The following PIK3C2G variants were observed in gnomAD, a reference collection of about 807,000 sequenced individuals.
PIK3C2G encodes the protein phosphatidylinositol 3-kinase C2 domain-containing subunit gamma.
A neutral mutation model predicts 181.1 loss-of-function variants in PIK3C2G; 168 were observed. That is an observed-to-expected ratio of 0.93 (90% CI 0.82 to 1.05). The LOEUF is 1.05. Among genes scored for constraint, PIK3C2G ranks in the 50% least tolerant of loss-of-function variants. The pLI is 0.00. For synonymous variants in PIK3C2G, 573 were observed against 592.2 expected (o/e 0.97, Z 0.47); for missense variants, 1,869 against 1,732.8 (o/e 1.08, Z -1.40).
chr12:18,415,877 A>G (rs1263396644), intron 16 of PIK3C2G, among the ~76,000 whole-genome samples: 1 of 152,184 alleles, frequency 6.6e-6, no homozygotes, highest in Non-Finnish European at 1.5e-5. Context: ...AACTCTCTTC[A>G]ATTTCATGAA....
chr12:18,642,417 G>A (rs76590935), intron 32 of PIK3C2G, among the ~76,000 whole-genome samples: 4,273 of 152,164 alleles, frequency 0.028, 116 homozygotes, highest in African/African-American at 0.068. Context: ...AATCACTTGG[G>A]AATATTTGTG....
intron 24 of PIK3C2G, among the ~76,000 whole-genome samples, chr12:18,518,310 G>T (rs1407424960): frequency 1.3e-5 from 2 of 152,152 alleles, no homozygotes; most frequent in Non-Finnish European, 2.9e-5. Context: ...AGAAGGAATG[G>T]TATCAGCTCC....
the PIK3C2G span, among the ~76,000 whole-genome samples, chr12:18,668,725 G>A: frequency 2.0e-5 from 3 of 152,020 alleles, no homozygotes; most frequent in East Asian, 3.9e-4. Flanking sequence ...TCACTCTCTG[G>A]GTAGAAGTGC....
In PIK3C2G at chr12:18,639,106, T is replaced by TACC. The variant is rs148916585; in HGVS notation, c.4183-1322_4183-1320dup. On this transcript the variant is annotated intron_variant, in intron 31 of 32. Transcript: ENST00000538779. The stretch of plus-strand genomic sequence containing the variant: ...AGGTATACCTTGAGCTCCAATAAAG[T>TACC]ACCGGTCCTCATTCTTAACATATTG... Among the ~76,000 whole-genome samples the TACC allele has an allele frequency of 1.9e-3, 288 of 152,222 alleles. 1 individual carries two copies. Among genetic ancestry groups the TACC allele is most frequent in the African/African-American group, 6.7e-3 (279 of 41,560 alleles).
chr12:18,368,439 T>C (rs1941797270), intron 12 of PIK3C2G, among the ~76,000 whole-genome samples: 1 of 152,166 alleles, frequency 6.6e-6, no homozygotes, highest in Non-Finnish European at 1.5e-5. Flanking sequence ...TGAGCATAAA[T>C]AGATCCAAAT....
intron 18 of PIK3C2G, among the ~76,000 whole-genome samples, chr12:18,451,256 C>T (rs966568877): frequency 3.3e-5 from 5 of 152,082 alleles, no homozygotes; most frequent in South Asian, 2.1e-4. Context: ...TTTCCCTGAG[C>T]GGTGGTTTGT....
chr12:18,448,760 A>G (rs1415685599), intron 18 of PIK3C2G, among the ~76,000 whole-genome samples: 1 of 151,884 alleles, frequency 6.6e-6, no homozygotes, highest in African/African-American at 2.4e-5. Context: ...ATAATGAAAT[A>G]TTGTTACAAA....
At chr12:18,669,873 G>A in the PIK3C2G span, among the ~76,000 whole-genome samples, 1,967 of 152,178 alleles carry the variant, frequency 0.013, 48 homozygotes, top group African/African-American at 0.046. Flanking sequence ...GTTTCACCAC[G>A]TTGCTCAGGC....
At chr12:18,592,956 G>A (rs1947162606) in intron 29 of PIK3C2G, among the ~76,000 whole-genome samples, 1 of 151,930 alleles carries the variant, frequency 6.6e-6, no homozygotes, top group Non-Finnish European at 1.5e-5. Flanking sequence ...TTGTTTCACA[G>A]TTCTGGAAGC....
chr12:18,398,917 C>A (rs374586348), intron 15 of PIK3C2G, among the ~76,000 whole-genome samples: 1 of 152,030 alleles, frequency 6.6e-6, no homozygotes, highest in South Asian at 2.1e-4. Flanking sequence ...CCATTTTGGC[C>A]GGGCGCAGTG....
intron 18 of PIK3C2G, among the ~76,000 whole-genome samples, chr12:18,461,146 A>G (rs567774145): frequency 2.0e-5 from 3 of 152,304 alleles, no homozygotes; most frequent in South Asian, 2.1e-4. Context: ...ATATTGTGAT[A>G]TACCTCACTT....
At position 18,360,961 on chromosome 12, in the gene PIK3C2G, C is replaced by T. The variant is rs539748421; in HGVS notation, c.1626-1803C>T. On this transcript the variant is annotated intron_variant, in intron 11 of 32. Transcript: ENST00000538779. ...ATTACTTTTTCAAATGAGCATTCCT[C>T]TTTTTTTCTTTTTCTTTTTTTCTCT... is the stretch of plus-strand genomic sequence containing the variant. 6.2e-4 allele frequency among the ~76,000 whole-genome samples: 95 copies of T among 152,192 alleles called. 2 individuals are homozygous for T. In the South Asian group the frequency reaches 0.019, roughly 31 times the overall value.
At chr12:18,594,351 T>G (rs570610621) in intron 29 of PIK3C2G, 143 bp from the exon 30 acceptor site, 2 of 531,220 alleles carry the variant, frequency 3.8e-6, no homozygotes, top group South Asian at 6.2e-5. Flanking sequence ...TTAATTAACC[T>G]TTCTAATATA....
chr12:18,405,397 GTGTTGTTGT>G (rs58282294), intron 16 of PIK3C2G, among the ~76,000 whole-genome samples: 18 of 139,788 alleles, frequency 1.3e-4, no homozygotes, highest in Admixed American at 2.8e-4. Context: ...AGCAACATTT[GTGTTGTTGT>G]TGTTGTTGTT....
intron 29 of PIK3C2G, among the ~76,000 whole-genome samples, chr12:18,585,044 C>G (rs1018885719): frequency 2.6e-5 from 4 of 152,064 alleles, no homozygotes; most frequent in African/African-American, 9.7e-5. Flanking sequence ...GTGAAAGGAG[C>G]ACTAAATATA....
At chr12:18,622,349 T>A (rs1460326748) in intron 31 of PIK3C2G, among the ~76,000 whole-genome samples, 1 of 151,930 alleles carries the variant, frequency 6.6e-6, no homozygotes, top group Non-Finnish European at 1.5e-5. Flanking sequence ...TAGCGTAATA[T>A]TCTCCAGTTC....
At chr12:18,710,995 A>C in the PIK3C2G span, among the ~76,000 whole-genome samples, 1 of 152,194 alleles carries the variant, frequency 6.6e-6, no homozygotes, top group East Asian at 1.9e-4. Context: ...AGGGATCTAG[A>C]ACTAGAAATA....
At chr12:18,635,426 G>A (rs1329920877) in intron 31 of PIK3C2G, among the ~76,000 whole-genome samples, 2 of 152,158 alleles carry the variant, frequency 1.3e-5, no homozygotes, top group East Asian at 3.9e-4. Context: ...CCAGCTTTAT[G>A]GCTTCATGAG....
chr12:18,443,138 T>C (rs1301975129), intron 18 of PIK3C2G, among the ~76,000 whole-genome samples: 2 of 152,210 alleles, frequency 1.3e-5, no homozygotes, highest in Non-Finnish European at 2.9e-5. Flanking sequence ...CCCAAAGGGC[T>C]GGGATTACAG....
Sources: gnomAD v4.1 joint callset for allele counts (sites outside exome capture counted in the v4.1 genomes callset) on GRCh38, gnomAD v4.1.1 for gene constraint, MANE v1.5 for transcripts, NCBI Gene and HGNC (gene_info 2026-07-23, HGNC 2026-07-21) for gene names.